Variants in CTNNA3 observed in about 807,000 individuals in gnomAD.
The protein encoded by CTNNA3 is catenin alpha 3.
A neutral mutation model predicts 95.7 loss-of-function variants in CTNNA3; 76 were observed. The observed-to-expected ratio is 0.79, with a 90% confidence interval of 0.66 to 0.96. The LOEUF is 0.96. Ranked by LOEUF, CTNNA3 falls within the 40% of genes least tolerant of loss-of-function variation. The probability of loss-of-function intolerance (pLI) is 0.00; values close to 1 mark genes in which losing one functional copy is unlikely to be tolerated. For synonymous variants in CTNNA3, 431 were observed against 374.4 expected (o/e 1.15, Z -1.74); for missense variants, 1,191 against 1,089.8 (o/e 1.09, Z -1.31).
At chr10:66,626,034 G>T (rs1025238511) in intron 9 of CTNNA3, among the ~76,000 whole-genome samples, 30 of 152,068 alleles carry the variant, frequency 2.0e-4, no homozygotes, top group African/African-American at 7.2e-4. Context: ...GGTTAAGTCT[G>T]CTTTTCATCA....
In CTNNA3 at chr10:67,199,180, A is replaced by G. The variant is rs141520795; in HGVS notation, c.844-18660T>C. On this transcript the variant is annotated intron_variant, in intron 6 of 17. Coordinates refer to ENST00000433211, the MANE Select transcript of CTNNA3 (RefSeq NM_013266.4). ...AAAGTAAAGAAACAGTTTGCTAAAC[A>G]CTCTTGTGTCATTCACACTGCAAGT... Among the ~76,000 whole-genome samples the G allele has an allele frequency of 1.6e-3, 241 of 152,234 alleles. 3 individuals are homozygous for G. The highest frequency in any genetic ancestry group is 5.6e-3 in the African/African-American group (232 of 41,558).
intron 9 of CTNNA3, among the ~76,000 whole-genome samples, chr10:66,682,868 C>T (rs1278510461): frequency 1.3e-5 from 2 of 152,112 alleles, no homozygotes; most frequent in African/African-American, 4.8e-5. Flanking sequence ...AGCATTTGCT[C>T]TGTCACTTCA....
chr10:66,486,538 G>GA (rs1402912867), intron 11 of CTNNA3, among the ~76,000 whole-genome samples: 3 of 152,076 alleles, frequency 2.0e-5, no homozygotes, highest in Admixed American at 1.3e-4. Context: ...AAAGACAAGA[G>GA]ATAAGAAGTA....
chr10:66,665,038 A>T (rs7096779), intron 9 of CTNNA3, among the ~76,000 whole-genome samples: 99,443 of 151,872 alleles, frequency 0.65, 33,389 homozygotes, highest in East Asian at 0.95. Flanking sequence ...TGGCTGGGCC[A>T]ATGTAGTTAC....
At chr10:67,459,723 C>T (rs1300509639) in intron 5 of CTNNA3, among the ~76,000 whole-genome samples, 1 of 152,136 alleles carries the variant, frequency 6.6e-6, no homozygotes. Flanking sequence ...AAGTAAATTA[C>T]TCTTTTGACA....
intron 12 of CTNNA3, among the ~76,000 whole-genome samples, chr10:66,304,065 A>T (rs2091900721): frequency 6.6e-6 from 1 of 152,186 alleles, no homozygotes; most frequent in African/African-American, 2.4e-5. Flanking sequence ...AAATAAAAAC[A>T]ACCCCAAAGA....
chr10:66,473,892 C>T (rs1314884800), intron 11 of CTNNA3, among the ~76,000 whole-genome samples: 1 of 152,082 alleles, frequency 6.6e-6, no homozygotes, highest in Non-Finnish European at 1.5e-5. Context: ...ATATGTGCCA[C>T]ATTTTCTTAA....
At chr10:66,365,757 G>GCTCTCTCT (rs71035132) in intron 12 of CTNNA3, among the ~76,000 whole-genome samples, 4 of 113,068 alleles carry the variant, frequency 3.5e-5, no homozygotes, top group African/African-American at 1.1e-4. Context: ...TGCATCTTAG[G>GCTCTCTCT]CTCTCTCTCT....
intron 9 of CTNNA3, among the ~76,000 whole-genome samples, chr10:66,642,560 AC>A (rs1845557497): frequency 6.6e-6 from 1 of 152,164 alleles, no homozygotes; most frequent in Non-Finnish European, 1.5e-5. Context: ...CTATACAAGC[AC>A]CTGTGTGTTT....
At chr10:66,453,142 G>C (rs1342675159) in intron 11 of CTNNA3, among the ~76,000 whole-genome samples, 1 of 151,882 alleles carries the variant, frequency 6.6e-6, no homozygotes, top group East Asian at 1.9e-4. Flanking sequence ...ACTTGAACCT[G>C]GGAGGCAGAG....
chr10:66,882,255 T>C (rs953028190), intron 7 of CTNNA3, among the ~76,000 whole-genome samples: 6 of 152,050 alleles, frequency 3.9e-5, no homozygotes, highest in African/African-American at 1.4e-4. Flanking sequence ...ATGTACCTCA[T>C]GTGGTCATGG....
At chr10:67,601,925 ATACCC>A (rs1843095802) in intron 3 of CTNNA3, among the ~76,000 whole-genome samples, 1 of 152,152 alleles carries the variant, frequency 6.6e-6, no homozygotes, top group Non-Finnish European at 1.5e-5. Flanking sequence ...GGTAACCAAA[ATACCC>A]ACATTATTTA....
rs1052145601 is a variant in CTNNA3, at chr10:67,340,895, A to G, written c.580-121025T>C. On this transcript the variant is annotated intron_variant, in intron 5 of 17. Coordinates refer to ENST00000433211, the MANE Select transcript of CTNNA3 (RefSeq NM_013266.4). Reference sequence around the variant, plus strand: ...GGTGTCAATGGAAACTGAATAGTACATTTTTTTCAACTTTTACTACATATT... The same window carrying G: ...GGTGTCAATGGAAACTGAATAGTACGTTTTTTTCAACTTTTACTACATATT... 4.6e-5 allele frequency among the ~76,000 whole-genome samples: 7 copies of G among 152,272 alleles called. No individual in the cohort carries two copies. The East Asian group carries it at 1.4e-3, about 29-fold the overall frequency.
chr10:66,685,317 G>GTGTA (rs1290588754), intron 9 of CTNNA3, among the ~76,000 whole-genome samples: 9 of 44,496 alleles, frequency 2.0e-4, no homozygotes, highest in African/African-American at 9.1e-4. Flanking sequence ...ATGTGTGTGT[G>GTGTA]TATGTGTGTA....
Position 67,097,727 on chromosome 10 carries a change from G to T in CTNNA3, c.1047+82590C>A, listed in dbSNP as rs762713172. On this transcript the variant is annotated intron_variant, in intron 7 of 17. Transcript: ENST00000433211. ...AAGATACGATGGAAACACACCTAGA[G>T]ACTGAGCTGGACCTGAGCACAATCA... The T allele has an allele frequency of 3.1e-6, 5 of 1,612,522 alleles. No individual in the cohort carries two copies. In the African/African-American group the frequency reaches 5.4e-5, roughly 17 times the overall value.
intron 12 of CTNNA3, among the ~76,000 whole-genome samples, chr10:66,297,275 T>G (rs915823173): frequency 6.6e-6 from 1 of 151,998 alleles, no homozygotes; most frequent in Non-Finnish European, 1.5e-5. Flanking sequence ...GATCTACAGA[T>G]TCCACATAAC....
At chr10:66,818,548 G>A (rs1397378950) in intron 7 of CTNNA3, among the ~76,000 whole-genome samples, 3 of 152,102 alleles carry the variant, frequency 2.0e-5, no homozygotes, top group Non-Finnish European at 4.4e-5. Flanking sequence ...TTTAACAAAG[G>A]AAGTTCAAGA....
intron 5 of CTNNA3, among the ~76,000 whole-genome samples, chr10:67,470,642 AACACACACACAC>A (rs10695283): frequency 8.1e-5 from 12 of 148,610 alleles, no homozygotes; most frequent in Middle Eastern, 3.2e-3. Context: ...GCAAGTTTGC[AACACACACACAC>A]ACACACACAC....
intron 11 of CTNNA3, among the ~76,000 whole-genome samples, chr10:66,487,601 T>C (rs763954520): frequency 7.2e-5 from 11 of 152,164 alleles, no homozygotes; most frequent in Non-Finnish European, 1.0e-4. Flanking sequence ...GTAATGAATG[T>C]ATTAATTAAT....
Sources: allele counts gnomAD v4.1 joint callset (sites outside exome capture counted in the v4.1 genomes callset), GRCh38; gene constraint gnomAD v4.1.1; transcripts MANE v1.5; gene names NCBI Gene and HGNC (gene_info 2026-07-23, HGNC 2026-07-21).